PLEKHG4: variants seen among roughly 807,000 people sequenced by gnomAD.
PLEKHG4 encodes the protein pleckstrin homology and RhoGEF domain containing G4, also known as puratrophin-1.
Under a neutral mutation model 136.9 loss-of-function variants are expected in PLEKHG4, and 85 were observed. The observed-to-expected ratio is 0.62, with a 90% CI of 0.52 to 0.74. The LOEUF is 0.74. PLEKHG4 is among the 30% of genes least tolerant of loss of function. The pLI, the probability that PLEKHG4 is intolerant of heterozygous loss-of-function variation, is 0.00. For synonymous variants in PLEKHG4, 577 were observed against 646.9 expected (o/e 0.89, Z 1.64); for missense variants, 1,317 against 1,527.8 (o/e 0.86, Z 2.30).
rs1567444088 is a variant in PLEKHG4, at chr16:67,288,810, C to G, written c.*2C>G. 6.2e-7 allele frequency: 1 copy of G among 1,613,678 alleles called. No individual in the cohort carries two copies. ...CCTGGCCTGGCCCTGCAGGTCTGAG[C>G]CCGGGACTGGACGAGCAGTAGATCC... On this transcript the variant is annotated 3_prime_UTR_variant, in exon 22 of 22. Transcript: ENST00000379344.
chr16:67,281,316 C>T lies in PLEKHG4; in HGVS notation c.813+132C>T, dbSNP rs2036215331. 3.9e-6 allele frequency: 3 copies of T among 765,266 alleles called. No homozygotes were observed. In the South Asian group the frequency reaches 4.4e-5, roughly 11 times the overall value. 47.4% of individuals were successfully genotyped at this position (765,266 alleles called of 1,614,324 possible). A position where few individuals can be genotyped will look rare whatever the true frequency, so the allele number is the denominator to read the frequency against. ...TTGGCTCACTGCAAACTCTATCTCC[C>T]CGATTCAAGTGATCCTCCTGCCTCA... On this transcript the variant is annotated intron_variant, in intron 5 of 21. Transcript: ENST00000379344.
Position 67,288,306 on chromosome 16 carries a change from A to G in PLEKHG4, c.3360A>G (p.Pro1120=), listed in dbSNP as rs777804304. 3.1e-6 allele frequency: 5 copies of G among 1,612,644 alleles called. No individual in the cohort carries two copies. Among genetic ancestry groups the G allele is most frequent in the Non-Finnish European group, 4.2e-6 (5 of 1,180,000 alleles). The change falls in exon 20 of 22, where the codon CCA becomes CCG. Residue 1120 remains proline, a synonymous_variant. Transcript: ENST00000379344. ...GSLNLHLYRD[P]ALLGLRCPLY... ...TCAACCTGCACCTGTACAGAGACCC[A>G]GCTCTTCTGGGTCTCCGCTGTCCCC... is the stretch of plus-strand genomic sequence containing the variant.
intron 13 of PLEKHG4, 28 bp from the exon 14 acceptor site, chr16:67,285,262 T>C (rs1178379915): frequency 6.2e-7 from 1 of 1,613,830 alleles, no homozygotes; most frequent in Non-Finnish European, 8.5e-7. Context: ...GAGAGATGTC[T>C]TGGGTCCTGA....
chr16:67,285,903 G>C (rs777866332), intron 14 of PLEKHG4, among the ~76,000 whole-genome samples: 10 of 152,156 alleles, frequency 6.6e-5, no homozygotes, highest in Non-Finnish European at 1.0e-4. Flanking sequence ...GTCCCACCCA[G>C]AGGAAAGAGC....
Position 67,284,182 on chromosome 16 carries a change from T to G in PLEKHG4, c.1510-93T>G. The G allele has an allele frequency of 9.1e-7, 1 of 1,096,166 alleles. No individual in the cohort carries two copies. Among genetic ancestry groups the G allele is most frequent in the Non-Finnish European group, 1.3e-6 (1 of 747,546 alleles). 67.9% of individuals were successfully genotyped at this position (1,096,166 alleles called of 1,614,324 possible). A position where few individuals can be genotyped will look rare whatever the true frequency, so the allele number is the denominator to read the frequency against. ...ATGTTCCACCACAGGACAGACTTGA[T>G]GGGGACATGTCGATATGTCAGCAGG... On this transcript the variant is annotated intron_variant, in intron 11 of 21. Transcript: ENST00000379344. This position sits in a 1 kb window ranked among gnomAD's most constrained non-coding sequence, Gnocchi z 4.4.
chr16:67,287,200 C>T (rs376650364), intron 18 of PLEKHG4, 23 bp downstream of exon 18: 63 of 1,599,514 alleles, frequency 3.9e-5, no homozygotes, highest in African/African-American at 9.3e-5. Flanking sequence ...CCCTCCTTCA[C>T]GCCACACTCC....
Position 67,280,776 on chromosome 16 carries a change from C to T in PLEKHG4, c.565C>T (p.Leu189=), listed in dbSNP as rs2036176156. 6.2e-7 allele frequency: 1 copy of T among 1,614,098 alleles called. No homozygotes were observed. Among genetic ancestry groups the T allele is most frequent in the Non-Finnish European group, 8.5e-7 (1 of 1,180,030 alleles). The part of the protein sequence containing the change: ...CLLAQDLCWE[L]LASGMATLPG... ...CCTGGCCCAAGACCTCTGTTGGGAG[C>T]TGCTGGCCAGTGGTATGGCCACCTT... The change falls in exon 3 of 22, where the codon CTG becomes TTG. Residue 189 remains leucine (L), a synonymous_variant. Transcript: ENST00000379344. The surrounding 1 kb of genome is among the most constrained non-coding windows in gnomAD (Gnocchi z 4.4).
chr16:67,286,892 CACAT>C lies in PLEKHG4; in HGVS notation c.2899_2902del (p.Thr967LeufsTer103), dbSNP rs1198077714. 2 of 1,613,904 alleles carry C rather than the reference CACAT, an allele frequency of 1.2e-6. No homozygotes were observed. Among genetic ancestry groups the C allele is most frequent in the African/African-American group, 1.3e-5 (1 of 74,942 alleles). On this transcript the variant is annotated frameshift_variant, in exon 17 of 22. Transcript: ENST00000379344. LOFTEE classifies it high-confidence loss of function. ...CTCGCCATGGGCCCACAGGGGTTGA[CACAT>C]TTGCCTACAAGCGCTCCTTCAAGGT...
rs1444554814 is a variant in PLEKHG4, at chr16:67,284,442, T to G, written c.1677T>G (p.Phe559Leu). The G allele has an allele frequency of 6.2e-7, 1 of 1,613,782 alleles. No homozygotes were observed. Among genetic ancestry groups the G allele is most frequent in the African/African-American group, 1.3e-5 (1 of 74,880 alleles). The change falls in exon 12 of 22, where the codon TTT (phenylalanine) becomes TTG (leucine). Residue 559 changes from phenylalanine (F) to leucine (L), a missense_variant. By Grantham distance (22) the Phe-to-Leu change is conservative. Coordinates refer to ENST00000379344, the MANE Select transcript of PLEKHG4 (RefSeq NM_001129729.3). This position sits in a 1 kb window ranked among gnomAD's most constrained non-coding sequence, Gnocchi z 4.4. ...GGCTGGCGGATGCTGAGAGGCTGTT[T>G]CAGCTCTTCAGGGAGGTGGGTGAGA... ...CQRLADAERLFQLFREALTWA... is the reference protein window; with the variant it reads ...CQRLADAERLLQLFREALTWA...
chr16:67,281,292 T>G (rs2036213768), intron 5 of PLEKHG4, 108 bp downstream of exon 5: 1 of 862,528 alleles, frequency 1.2e-6, no homozygotes, highest in South Asian at 1.4e-5. Flanking sequence ...GGCGCAATCT[T>G]GGCTCACTGC....
Position 67,287,085 on chromosome 16 carries a change from C to A in PLEKHG4, c.3011C>A (p.Thr1004Asn), listed in dbSNP as rs778841490. Residue 1004 changes from threonine (T) to asparagine (N), a missense_variant, in exon 18 of 22, where the codon ACC (threonine) becomes AAC (asparagine). Coordinates refer to ENST00000379344, the MANE Select transcript of PLEKHG4 (RefSeq NM_001129729.3). ...IWFRRRKARD[T>N]FVLQASSLAI... Reference sequence around the variant, plus strand: ...TTCCGCCGCCGCAAGGCCAGGGACACCTTTGTGCTGCAGGCCTCCAGCCTG... The same window carrying A: ...TTCCGCCGCCGCAAGGCCAGGGACAACTTTGTGCTGCAGGCCTCCAGCCTG... 6.2e-7 allele frequency: 1 copy of A among 1,613,290 alleles called. No homozygotes were observed. Among genetic ancestry groups the A allele is most frequent in the South Asian group, 1.1e-5 (1 of 91,086 alleles).
In PLEKHG4 at chr16:67,286,648, C is replaced by T. The variant is rs746737933; in HGVS notation, c.2736C>T (p.Asp912=). The change falls in exon 16 of 22, where the codon GAC becomes GAT. Residue 912 remains aspartate, a synonymous_variant. Coordinates refer to ENST00000379344, the MANE Select transcript of PLEKHG4 (RefSeq NM_001129729.3). The stretch of plus-strand genomic sequence containing the variant: ...ACGGAAACGACCTGCTGGCCATGGA[C>T]GCCATCCAGGGCTGTGATGTGAGTC... The part of the protein sequence containing the change: ...LRHGNDLLAM[D]AIQGCDVNLK... 3.2e-6 allele frequency: 5 copies of T among 1,570,394 alleles called. No homozygotes were observed. The highest frequency in any genetic ancestry group is 3.8e-5 in the Admixed American group (2 of 52,632).
At chr16:67,287,670 GGC>G in intron 18 of PLEKHG4, 2 of 605,452 alleles carry the variant, frequency 3.3e-6, no homozygotes, top group South Asian at 3.7e-5. Context: ...TGGGATTACA[GGC>G]GTGAGCCACT....
In PLEKHG4 at chr16:67,287,023, G is replaced by A; in HGVS notation, c.2949G>A (p.Glu983=). The change falls in exon 18 of 22, where the codon GAG becomes GAA. Residue 983 remains glutamate (E), a synonymous_variant. Transcript: ENST00000379344. ...SFKMADLGLT[E]CCGNSNLRFE... ...AGATGGCAGACCTTGGTCTCACTGA[G>A]TGCTGTGGGAACAGCAACCTGCGCT... The A allele has an allele frequency of 1.9e-6, 3 of 1,613,386 alleles. No individual in the cohort carries two copies. Among genetic ancestry groups the A allele is most frequent in the Non-Finnish European group, 1.7e-6 (2 of 1,180,016 alleles).
chr16:67,280,818 G>A lies in PLEKHG4; in HGVS notation c.595+12G>A, dbSNP rs149654792. ...GGCCACCTTGCCAGGTAGCCAGGCGGGCCTAGAGGCGGTGGAGGTGGAGTG... is the reference window on the plus strand; with the variant it reads ...GGCCACCTTGCCAGGTAGCCAGGCGAGCCTAGAGGCGGTGGAGGTGGAGTG... On this transcript the variant is annotated intron_variant, in intron 3 of 21. Coordinates refer to ENST00000379344, the MANE Select transcript of PLEKHG4 (RefSeq NM_001129729.3). The surrounding 1 kb of genome is among the most constrained non-coding windows in gnomAD (Gnocchi z 4.4). 4 of 1,613,854 alleles carry A rather than the reference G, an allele frequency of 2.5e-6. No homozygotes were observed. In the Admixed American group the frequency reaches 6.7e-5, roughly 27 times the overall value.
In PLEKHG4 at chr16:67,282,819, G is replaced by T. The variant is rs1567435703; in HGVS notation, c.1470G>T (p.Gln490His). 1 of 1,613,470 alleles carries T rather than the reference G, an allele frequency of 6.2e-7. No individual in the cohort carries two copies. Among genetic ancestry groups the T allele is most frequent in the Non-Finnish European group, 8.5e-7 (1 of 1,180,032 alleles). ...AGCCCTCGCTGGACATGCTGCTCCA[G>T]GCCCAAGGCTCTTTTCAGGAGCTGT... ...AGEPSLDMLL[Q>H]AQGSFQELYQ... Residue 490 changes from glutamine to histidine, a missense_variant, in exon 11 of 22, where the codon CAG (glutamine) becomes CAT (histidine). Coordinates refer to ENST00000379344, the MANE Select transcript of PLEKHG4 (RefSeq NM_001129729.3).
At chr16:67,279,832 G>T in intron 1 of PLEKHG4, 44 bp from the exon 2 acceptor site, 2 of 588,622 alleles carry the variant, frequency 3.4e-6, no homozygotes, top group Middle Eastern at 4.5e-4. Context: ...TCCGACGGGG[G>T]ACCTGGACAG....
At chr16:67,279,060 G>T (rs544093187), upstream of PLEKHG4, 2 of 152,242 alleles carry the variant, frequency 1.3e-5, no homozygotes, top group Admixed American at 1.3e-4. Context: ...CTACACAGAA[G>T]GCCTTCCCCT....
chr16:67,284,221 T>G lies in PLEKHG4; in HGVS notation c.1510-54T>G. On this transcript the variant is annotated intron_variant, in intron 11 of 21. Transcript: ENST00000379344. This position sits in a 1 kb window ranked among gnomAD's most constrained non-coding sequence, Gnocchi z 4.4. ...TATGTCAGCAGGAAGTATCTGAGTC[T>G]GGGGGCTAGACCGCCAGGCCTGGGC... The G allele has an allele frequency of 6.6e-7, 1 of 1,524,530 alleles. No homozygotes were observed. Among genetic ancestry groups the G allele is most frequent in the South Asian group, 1.1e-5 (1 of 87,170 alleles). 94.4% of individuals were successfully genotyped at this position (1,524,530 alleles called of 1,614,324 possible).
Sources: gnomAD v4.1 joint callset for allele counts (sites outside exome capture counted in the v4.1 genomes callset) on GRCh38, gnomAD v4.1.1 for gene constraint, Gnocchi (gnomAD v3.1) non-coding constraint, MANE v1.5 for transcripts, NCBI Gene and HGNC (gene_info 2026-07-23, HGNC 2026-07-21) for gene names.